The following DIS3L2 variants were observed in gnomAD, a reference collection of about 807,000 sequenced individuals.
DIS3L2 encodes DIS3-like exonuclease 2.
Under a neutral mutation model 97.5 loss-of-function variants are expected in DIS3L2, and 34 were observed. The ratio of observed to expected loss-of-function variants is 0.35; its 90% CI spans 0.27 to 0.46. The LOEUF (loss-of-function observed/expected upper bound fraction) is 0.46. Among genes scored for constraint, DIS3L2 ranks in the 20% least tolerant of loss-of-function variants. DIS3L2 has a pLI of 1.00. For missense variants in DIS3L2, 1,038 were observed against 1,146.0 expected, an observed-to-expected ratio of 0.91 and a Z score of 1.36; for synonymous variants, 435 against 445.2, an observed-to-expected ratio of 0.98 and a Z score of 0.29.
chr2:232,005,221 T>C (rs1020095233), intron 1 of DIS3L2, among the ~76,000 whole-genome samples: 2 of 146,554 alleles, frequency 1.4e-5, no homozygotes. Flanking sequence ...TCAGACCCTG[T>C]TAGGTTCAGA....
At chr2:232,257,801 T>C (rs1693605704) in intron 12 of DIS3L2, among the ~76,000 whole-genome samples, 1 of 152,322 alleles carries the variant, frequency 6.6e-6, no homozygotes, top group Non-Finnish European at 1.5e-5. Flanking sequence ...ATATAGAAAG[T>C]TGATGTGTGT....
chr2:232,187,987 A>G (rs1384584393), intron 9 of DIS3L2, among the ~76,000 whole-genome samples: 2 of 152,120 alleles, frequency 1.3e-5, no homozygotes, highest in African/African-American at 4.8e-5. Flanking sequence ...AAATACAAAA[A>G]CAATTACCTG....
chr2:232,138,392 G>A (rs1698419637), intron 8 of DIS3L2, among the ~76,000 whole-genome samples: 1 of 152,108 alleles, frequency 6.6e-6, no homozygotes, highest in African/African-American at 2.4e-5. Context: ...GAAACATCAT[G>A]CTTTTTCTCT....
At position 232,336,772 on chromosome 2, in the gene DIS3L2, C is replaced by T. The variant is rs1695969221; in HGVS notation, c.*142C>T. On this transcript the variant is annotated 3_prime_UTR_variant, in exon 21 of 21. Coordinates refer to ENST00000325385, the MANE Select transcript of DIS3L2 (RefSeq NM_152383.5). ...TTTTATTTTTATTTAATTTTTGCAG[C>T]TCAACTTTTAAACAAACTGCAGGGG... is the stretch of plus-strand genomic sequence containing the variant. 1.4e-6 allele frequency: 2 copies of T among 1,476,666 alleles called. No individual in the cohort carries two copies. The highest frequency in any genetic ancestry group is 2.7e-5 in the Admixed American group (1 of 36,502). The allele number at this position is 1,476,666 out of a possible 1,614,324, so 91.5% of individuals were successfully genotyped here.
rs1696697176 is a variant in DIS3L2 at position 232,087,489 on chromosome 2, A to G, written c.369A>G (p.Val123=). Residue 123 remains valine, a splice_region_variant and synonymous_variant, in exon 6 of 21, where the codon GTA becomes GTG. Transcript: ENST00000325385. ...CAGAATTTTTCTGTTTTCTTTAGGT[A>G]GTTAAACCAGAGAGCAATGACAAAG... ...VKLLPEEHWK[V]VKPESNDKET... 1 of 1,606,296 alleles carries G rather than the reference A, an allele frequency of 6.2e-7. No individual in the cohort carries two copies. Among genetic ancestry groups the G allele is most frequent in the Non-Finnish European group, 8.5e-7 (1 of 1,175,774 alleles).
At chr2:232,226,276 G>C (rs1426232489) in intron 10 of DIS3L2, among the ~76,000 whole-genome samples, 1 of 152,192 alleles carries the variant, frequency 6.6e-6, no homozygotes, top group Non-Finnish European at 1.5e-5. Context: ...CTTAGGAAAA[G>C]GCTGCACCAC....
rs537647145 is a variant in DIS3L2, at chr2:232,268,405, T to C, written c.1659+4965T>C. On this transcript the variant is annotated intron_variant, in intron 13 of 20. Coordinates refer to ENST00000325385, the MANE Select transcript of DIS3L2 (RefSeq NM_152383.5). This position sits in a 1 kb window ranked among gnomAD's most constrained non-coding sequence, Gnocchi z 4.1. Reference sequence around the variant, plus strand: ...CAGTGGAATGCTGTTATGTATGACCTTGACCTGTTCCAGCCTTTAAGGCAG... The same window carrying C: ...CAGTGGAATGCTGTTATGTATGACCCTGACCTGTTCCAGCCTTTAAGGCAG... 5.9e-5 allele frequency among the ~76,000 whole-genome samples: 9 copies of C among 152,314 alleles called. No homozygotes were observed. The highest frequency in any genetic ancestry group is 2.2e-4 in the African/African-American group (9 of 41,564).
At chr2:232,004,343 G>A (rs542793103) in intron 1 of DIS3L2, among the ~76,000 whole-genome samples, 4 of 152,242 alleles carry the variant, frequency 2.6e-5, no homozygotes, top group African/African-American at 9.6e-5. Context: ...AAAGTGCTGG[G>A]ATTAACAGAT....
intron 12 of DIS3L2, among the ~76,000 whole-genome samples, chr2:232,258,955 C>G (rs1693643623): frequency 6.6e-6 from 1 of 152,084 alleles, no homozygotes. Flanking sequence ...GCCTTCTTTC[C>G]CTGGCCTAGT....
At chr2:231,970,613 G>A (rs1692878183) in intron 1 of DIS3L2, among the ~76,000 whole-genome samples, 1 of 152,204 alleles carries the variant, frequency 6.6e-6, no homozygotes, top group South Asian at 2.1e-4. Context: ...GACCATGAAT[G>A]GAAGTTGCAG....
chr2:232,175,779 G>A (rs1446143033), intron 9 of DIS3L2, among the ~76,000 whole-genome samples: 1 of 152,028 alleles, frequency 6.6e-6, no homozygotes, highest in East Asian at 1.9e-4. Flanking sequence ...TTTTGTGTGT[G>A]TGTCGGCGAT....
intron 9 of DIS3L2, among the ~76,000 whole-genome samples, chr2:232,165,833 C>G (rs1690788540): frequency 6.6e-6 from 1 of 152,070 alleles, no homozygotes; most frequent in Non-Finnish European, 1.5e-5. Flanking sequence ...TGGTCCAAAT[C>G]TTTTTTAAAG....
intron 6 of DIS3L2, among the ~76,000 whole-genome samples, chr2:232,122,150 T>A (rs1574891717): frequency 6.6e-6 from 1 of 152,300 alleles, no homozygotes; most frequent in East Asian, 1.9e-4. Flanking sequence ...TGTAGTACCT[T>A]CTCTTGTTCC....
chr2:232,000,725 CTTT>C (rs35247478), intron 1 of DIS3L2, among the ~76,000 whole-genome samples: 20 of 91,138 alleles, frequency 2.2e-4, no homozygotes, highest in African/African-American at 5.0e-4. Flanking sequence ...TCTTCTTCTT[CTTT>C]TTTTTTTTTT....
intron 6 of DIS3L2, among the ~76,000 whole-genome samples, chr2:232,120,499 T>C (rs147468338): frequency 6.6e-6 from 1 of 152,324 alleles, no homozygotes; most frequent in East Asian, 1.9e-4. Context: ...GTAAACCACC[T>C]AACACAGTGC....
At position 232,238,612 on chromosome 2, in the gene DIS3L2, C is replaced by T. The variant is rs1024557894; in HGVS notation, c.1284C>T (p.Ala428=). The change falls in exon 11 of 21, where the codon GCC becomes GCT. Residue 428 remains alanine (A), a synonymous_variant. Coordinates refer to ENST00000325385, the MANE Select transcript of DIS3L2 (RefSeq NM_152383.5). ...GATCTGATCTGGATAAAGTGGCTGC[C>T]GAGAGGGCTACAAGCGTCTACTTGG... ...PEGSDLDKVA[A]ERATSVYLVQ... is the part of the protein sequence containing the mutation. 11 of 1,614,132 alleles carry T rather than the reference C, an allele frequency of 6.8e-6. No individual in the cohort carries two copies. Among genetic ancestry groups the T allele is most frequent in the Middle Eastern group, 1.6e-4 (1 of 6,062 alleles).
At chr2:232,247,785 AAC>A (rs1693302850) in intron 11 of DIS3L2, among the ~76,000 whole-genome samples, 1 of 152,198 alleles carries the variant, frequency 6.6e-6, no homozygotes, top group African/African-American at 2.4e-5. Flanking sequence ...CATTTTATAA[AAC>A]ACTTGACATA....
In DIS3L2 at chr2:232,330,687, T is replaced by C. The variant is rs768575329; in HGVS notation, c.1924-3T>C. 3.3e-5 allele frequency: 53 copies of C among 1,613,910 alleles called. No individual in the cohort carries two copies. Among genetic ancestry groups the C allele is most frequent in the Non-Finnish European group, 3.6e-5 (43 of 1,180,034 alleles). ...CACATAGGTTTCTGGGATTTGCTTC[T>C]AGAAAAGCCTGACCCAAACATTTGG... On this transcript the variant is annotated splice_region_variant and splice_polypyrimidine_tract_variant and intron_variant, in intron 15 of 20. Transcript: ENST00000325385.
intron 10 of DIS3L2, among the ~76,000 whole-genome samples, chr2:232,225,534 A>T (rs1237808536): frequency 6.6e-6 from 1 of 152,186 alleles, no homozygotes; most frequent in Non-Finnish European, 1.5e-5. Flanking sequence ...ATCAGTGATT[A>T]TATAGAGGTC....
Sources: allele counts gnomAD v4.1 joint callset (sites outside exome capture counted in the v4.1 genomes callset), GRCh38; gene constraint gnomAD v4.1.1; non-coding constraint Gnocchi (gnomAD v3.1); transcripts MANE v1.5; gene names NCBI Gene and HGNC (gene_info 2026-07-23, HGNC 2026-07-21).